Variants in PXYLP1 observed in about 807,000 individuals in gnomAD.
PXYLP1 encodes the protein 2-phosphoxylose phosphatase 1.
A neutral mutation model predicts 37.9 loss-of-function variants in PXYLP1; 17 were observed. The observed-to-expected ratio is 0.45, with a 90% CI of 0.31 to 0.67. The LOEUF (loss-of-function observed/expected upper bound fraction) is 0.67, where lower values mean the gene tolerates loss of function less well. Among genes scored for constraint, PXYLP1 ranks in the 30% least tolerant of loss-of-function variants. PXYLP1 has a pLI of 0.07. For synonymous variants in PXYLP1, 221 were observed against 232.2 expected, an observed-to-expected ratio of 0.95 and a Z score of 0.44; for missense variants, 511 against 612.0, an observed-to-expected ratio of 0.84 and a Z score of 1.74.
At chr3:141,262,814 T>C in intron 2 of PXYLP1, 3 of 983,666 alleles carry the variant, frequency 3.0e-6, no homozygotes, top group South Asian at 2.8e-5. Context: ...CTTATTATTA[T>C]ACTGTAAGAA....
chr3:141,267,823 C>T (rs928088344), intron 2 of PXYLP1, among the ~76,000 whole-genome samples: 3 of 151,064 alleles, frequency 2.0e-5, no homozygotes, highest in Non-Finnish European at 4.4e-5. Context: ...AGATAATGAC[C>T]TCCCTCCCTC....
chr3:141,267,899 T>TCCCTCTC (rs1403190903), intron 2 of PXYLP1, among the ~76,000 whole-genome samples: 3 of 101,260 alleles, frequency 3.0e-5, no homozygotes, highest in Non-Finnish European at 5.5e-5. Flanking sequence ...CTCTCCCACC[T>TCCCTCTC]TCCCTTTCTC....
intron 1 of PXYLP1, among the ~76,000 whole-genome samples, chr3:141,232,678 C>G (rs532528315): frequency 2.8e-4 from 43 of 151,808 alleles, no homozygotes; most frequent in South Asian, 4.2e-4. Context: ...CACACACACA[C>G]ACAGAGAGAG....
intron 2 of PXYLP1, 93 bp from the exon 3 acceptor site, chr3:141,278,249 C>A: frequency 7.1e-7 from 1 of 1,402,772 alleles, no homozygotes; most frequent in Non-Finnish European, 9.9e-7. Context: ...GTAAGAATAG[C>A]TCCTCAAAGT....
intron 1 of PXYLP1, among the ~76,000 whole-genome samples, chr3:141,241,900 T>C (rs1304742235): frequency 2.0e-5 from 3 of 152,138 alleles, no homozygotes; most frequent in Non-Finnish European, 4.4e-5. Context: ...TGCCGTCACG[T>C]CTTGTGCCCT....
At position 141,262,695 on chromosome 3, in the gene PXYLP1, T is replaced by C; in HGVS notation, c.79+2441T>C. 5 of 1,534,972 alleles carry C rather than the reference T, an allele frequency of 3.3e-6. No homozygotes were observed. The South Asian group carries it at 4.8e-5, about 15-fold the overall frequency. ...GTTGGAGATCGGAAAGATATTAAGATATGGACGTTCTTACTGCTCTTCTTT... is the reference window on the plus strand; with the variant it reads ...GTTGGAGATCGGAAAGATATTAAGACATGGACGTTCTTACTGCTCTTCTTT... On this transcript the variant is annotated intron_variant, in intron 2 of 5. Transcript: ENST00000286353.
chr3:141,253,277 C>G (rs1456175545), intron 1 of PXYLP1, among the ~76,000 whole-genome samples: 1 of 152,128 alleles, frequency 6.6e-6, no homozygotes, highest in African/African-American at 2.4e-5. Flanking sequence ...CAAGCCCATC[C>G]CTTGGAGAAG....
In PXYLP1 at chr3:141,252,477, G is replaced by A. The variant is rs148922600; in HGVS notation, c.-53-7646G>A. ...AGCCAGCGTATCACACGGTGAGAGCGGGAGCAAGAGAGAGAAAGAGGAGGT... is the reference window on the plus strand; with the variant it reads ...AGCCAGCGTATCACACGGTGAGAGCAGGAGCAAGAGAGAGAAAGAGGAGGT... On this transcript the variant is annotated intron_variant, in intron 1 of 5. Coordinates refer to ENST00000286353, the MANE Select transcript of PXYLP1 (RefSeq NM_001037172.3). 2.8e-3 allele frequency among the ~76,000 whole-genome samples: 425 copies of A among 152,230 alleles called. 2 individuals carry two copies. Among genetic ancestry groups the A allele is most frequent in the African/African-American group, 9.8e-3 (406 of 41,528 alleles).
At chr3:141,276,367 C>T (rs1056083653) in intron 2 of PXYLP1, among the ~76,000 whole-genome samples, 3 of 152,268 alleles carry the variant, frequency 2.0e-5, no homozygotes, top group South Asian at 2.1e-4. Flanking sequence ...TATGCATTTA[C>T]GTAATAAACA....
chr3:141,244,406 A>C (rs1940887546), intron 1 of PXYLP1, among the ~76,000 whole-genome samples: 1 of 152,010 alleles, frequency 6.6e-6, no homozygotes, highest in Non-Finnish European at 1.5e-5. Context: ...TATAAAATCA[A>C]AGCATTAAAA....
At chr3:141,290,015 A>G (rs1317917249) in intron 5 of PXYLP1, among the ~76,000 whole-genome samples, 1 of 152,166 alleles carries the variant, frequency 6.6e-6, no homozygotes, top group Non-Finnish European at 1.5e-5. Flanking sequence ...CTGTTTCCTC[A>G]TTCTCTTTTA....
chr3:141,248,510 T>TAC (rs765331991), intron 1 of PXYLP1, among the ~76,000 whole-genome samples: 6,768 of 140,452 alleles, frequency 0.048, 253 homozygotes, highest in South Asian at 0.11. Context: ...TATATATATA[T>TAC]ATACACACAC....
intron 2 of PXYLP1, 107 bp downstream of exon 2, chr3:141,260,361 G>C: frequency 7.6e-7 from 1 of 1,313,442 alleles, no homozygotes; most frequent in Admixed American, 2.5e-5. Context: ...TGAAGACAAC[G>C]AAGTCTTTTT....
chr3:141,259,009 G>A (rs1423744947), intron 1 of PXYLP1, among the ~76,000 whole-genome samples: 1 of 152,222 alleles, frequency 6.6e-6, no homozygotes, highest in East Asian at 1.9e-4. Context: ...GGCCCTTGGG[G>A]AGGAGGTGGT....
intron 3 of PXYLP1, 70 bp from the exon 4 acceptor site, chr3:141,279,308 C>A: frequency 6.3e-7 from 1 of 1,577,252 alleles, no homozygotes; most frequent in Non-Finnish European, 8.7e-7. Flanking sequence ...CCAGGTCATC[C>A]CCTTGGCCCC....
chr3:141,248,750 TATATATATACACACAC>T lies in PXYLP1; in HGVS notation c.-53-11372_-53-11357del, dbSNP rs1248934178. 3.1e-4 allele frequency among the ~76,000 whole-genome samples: 3 copies of T among 9,780 alleles called. 1 individual carries two copies. The highest frequency in any genetic ancestry group is 3.3e-4 in the Non-Finnish European group (2 of 5,994). The allele number at this position is 9,780 out of a possible 152,430, so 6.4% of individuals were successfully genotyped here. On this transcript the variant is annotated intron_variant, in intron 1 of 5. Transcript: ENST00000286353. Reference sequence around the variant, plus strand: ...ACACACACGTGTATATATACACACGTATATATATACACACACGTGTATATATACACACGTATATATA... The same window carrying T: ...ACACACACGTGTATATATACACACGTGTGTATATATACACACGTATATATA...
Position 141,279,370 on chromosome 3 carries a change from T to G in PXYLP1, c.239-8T>G. 6.2e-7 allele frequency: 1 copy of G among 1,614,096 alleles called. No homozygotes were observed. The highest frequency in any genetic ancestry group is 8.5e-7 in the Non-Finnish European group (1 of 1,179,958). ...GTGATAACCAGACAATGTGCTTCTC[T>G]CGCGCAGGTCATGCCCCGCATCATT... On this transcript the variant is annotated splice_region_variant and splice_polypyrimidine_tract_variant and intron_variant, in intron 3 of 5. Coordinates refer to ENST00000286353, the MANE Select transcript of PXYLP1 (RefSeq NM_001037172.3).
In PXYLP1 at chr3:141,248,899, A is replaced by AGTGTGT. The variant is rs59309377; in HGVS notation, c.-53-11207_-53-11202dup. Among the ~76,000 whole-genome samples, 48 of 99,794 alleles carry AGTGTGT rather than the reference A, an allele frequency of 4.8e-4. 1 individual carries two copies. The highest frequency in any genetic ancestry group is 2.1e-3 in the African/African-American group (38 of 18,336). The allele number at this position is 99,794 out of a possible 152,430, so 65.5% of individuals were successfully genotyped here. A position where few individuals can be genotyped will look rare whatever the true frequency, so the allele number is the denominator to read the frequency against. ...TATATATGGAGAGAGAGACAGAGTG[A>AGTGTGT]GTGTGTGTGTGTGTGTGTGTGTTTT... On this transcript the variant is annotated intron_variant, in intron 1 of 5. Coordinates refer to ENST00000286353, the MANE Select transcript of PXYLP1 (RefSeq NM_001037172.3).
intron 4 of PXYLP1, among the ~76,000 whole-genome samples, chr3:141,281,494 G>A (rs1282403419): frequency 2.0e-5 from 3 of 152,252 alleles, no homozygotes; most frequent in Non-Finnish European, 4.4e-5. Flanking sequence ...GGACACGGCA[G>A]CCCTCAGTGA....
Sources: allele counts gnomAD v4.1 joint callset (sites outside exome capture counted in the v4.1 genomes callset), GRCh38; gene constraint gnomAD v4.1.1; transcripts MANE v1.5; gene names NCBI Gene and HGNC (gene_info 2026-07-23, HGNC 2026-07-21).